FMN2: variants seen among roughly 807,000 people sequenced by gnomAD.
FMN2 encodes the protein formin-2.
Under a neutral mutation model 142.3 loss-of-function variants are expected in FMN2, and 51 were observed. The ratio of observed to expected loss-of-function variants is 0.36; its 90% CI spans 0.29 to 0.45. FMN2 has a LOEUF of 0.45. FMN2 is among the 20% of genes least tolerant of loss of function. The probability of loss-of-function intolerance (pLI) is 1.00; values close to 1 mark genes in which losing one functional copy is unlikely to be tolerated. For synonymous variants in FMN2, 882 were observed against 869.8 expected (o/e 1.01, Z -0.25); for missense variants, 1,936 against 2,122.8 (o/e 0.91, Z 1.73).
chr1:240,376,752 A>G (rs952688873), intron 14 of FMN2, among the ~76,000 whole-genome samples: 3 of 152,196 alleles, frequency 2.0e-5, no homozygotes, highest in Non-Finnish European at 2.9e-5. Context: ...GTGGGATACC[A>G]TAGATGAACT....
In FMN2 at chr1:240,474,829, T is replaced by C. The variant is rs1206656407; in HGVS notation, c.*675T>C. The C allele has an allele frequency of 6.6e-6, 1 of 152,562 alleles. No homozygotes were observed. The highest frequency in any genetic ancestry group is 1.9e-4 in the East Asian group (1 of 5,190). 9.5% of individuals were successfully genotyped at this position (152,562 alleles called of 1,614,324 possible). On this transcript the variant is annotated 3_prime_UTR_variant, in exon 18 of 18. Transcript: ENST00000319653. ...TTTTAATGATCTTCGTTGCAAGTTA[T>C]AGTTGTGGATAAAGGGGAGAATTTA... is the stretch of plus-strand genomic sequence containing the variant.
rs369527022 is a variant in FMN2, at chr1:240,157,974, T to TAA, written c.1783-19928_1783-19927dup. ...CAACATAGTCAGACTCTGTCTCTAC[T>TAA]AAAAAAAAAAAAAAAAAAAAGTCAG... is the stretch of plus-strand genomic sequence containing the variant. On this transcript the variant is annotated intron_variant, in intron 2 of 17. Transcript: ENST00000319653. Among the ~76,000 whole-genome samples the TAA allele has an allele frequency of 3.9e-3, 286 of 73,702 alleles. 2 individuals are homozygous for TAA. Among genetic ancestry groups the TAA allele is most frequent in the African/African-American group, 0.013 (270 of 21,340 alleles). 48.4% of individuals were successfully genotyped at this position (73,702 alleles called of 152,430 possible). A position where few individuals can be genotyped will look rare whatever the true frequency, so the allele number is the denominator to read the frequency against.
At chr1:240,394,690 G>A (rs1011169975) in intron 15 of FMN2, among the ~76,000 whole-genome samples, 3 of 152,120 alleles carry the variant, frequency 2.0e-5, no homozygotes, top group South Asian at 2.1e-4. Context: ...GAACAGGGTC[G>A]GGCGTGGTGG....
At chr1:240,364,187 T>C (rs749850248) in intron 14 of FMN2, among the ~76,000 whole-genome samples, 30 of 152,008 alleles carry the variant, frequency 2.0e-4, no homozygotes, top group African/African-American at 3.1e-4. Flanking sequence ...TGAAATACAA[T>C]AGATGGCAAA....
chr1:240,325,497 A>G (rs994859223), intron 8 of FMN2, among the ~76,000 whole-genome samples: 3 of 152,170 alleles, frequency 2.0e-5, no homozygotes, highest in African/African-American at 7.2e-5. Flanking sequence ...ACACACACAT[A>G]CAGATTTGAT....
intron 2 of FMN2, among the ~76,000 whole-genome samples, chr1:240,148,211 GAGACAGAGAC>G (rs1173157008): frequency 7.8e-6 from 1 of 128,536 alleles, no homozygotes; most frequent in Non-Finnish European, 1.7e-5. Context: ...CAGAGAGAGA[GAGACAGAGAC>G]AGAGAGACAG....
chr1:240,215,771 T>G (rs1269600763), intron 6 of FMN2, among the ~76,000 whole-genome samples: 3 of 152,126 alleles, frequency 2.0e-5, no homozygotes, highest in Non-Finnish European at 2.9e-5. Flanking sequence ...TGCAGTGGCA[T>G]GATCTTGGCT....
Position 240,093,036 on chromosome 1 carries a change from A to G in FMN2, c.927A>G (p.Ala309=). ...LPVSEAPSLP[A]AQPAAKDSPS... is the part of the protein sequence containing the mutation. The stretch of plus-strand genomic sequence containing the variant: ...TCTCCGAGGCGCCCAGTCTCCCGGC[A>G]GCGCAACCCGCGGCCAAAGACTCGC... The change falls in exon 1 of 18, where the codon GCA becomes GCG. Residue 309 remains alanine, a synonymous_variant. Coordinates refer to ENST00000319653, the MANE Select transcript of FMN2 (RefSeq NM_020066.5). 1 of 1,393,238 alleles carries G rather than the reference A, an allele frequency of 7.2e-7. No individual in the cohort carries two copies. The highest frequency in any genetic ancestry group is 9.2e-7 in the Non-Finnish European group (1 of 1,082,254). 86.3% of individuals were successfully genotyped at this position (1,393,238 alleles called of 1,614,324 possible).
At chr1:240,211,767 G>GATCT (rs1440388722) in intron 6 of FMN2, among the ~76,000 whole-genome samples, 4 of 152,172 alleles carry the variant, frequency 2.6e-5, no homozygotes, top group Non-Finnish European at 5.9e-5. Context: ...TAGATCCTTT[G>GATCT]ATCTAACCTG....
intron 2 of FMN2, among the ~76,000 whole-genome samples, chr1:240,151,933 A>AT (rs375933496): frequency 1.6e-4 from 25 of 151,648 alleles, no homozygotes; most frequent in African/African-American, 6.0e-4. Context: ...AGCCAATCTA[A>AT]TTTTTTTTCT....
intron 13 of FMN2, among the ~76,000 whole-genome samples, chr1:240,350,411 T>G (rs1672058507): frequency 6.6e-6 from 1 of 152,216 alleles, no homozygotes; most frequent in Non-Finnish European, 1.5e-5. Context: ...TACAGGGTCT[T>G]AGTACTTCCT....
intron 3 of FMN2, among the ~76,000 whole-genome samples, chr1:240,185,876 G>A (rs138197699): frequency 5.9e-5 from 9 of 152,226 alleles, no homozygotes; most frequent in South Asian, 4.1e-4. Flanking sequence ...AAATGAGAGC[G>A]TTCCGGAGTT....
At chr1:240,369,512 C>G (rs920562701) in intron 14 of FMN2, among the ~76,000 whole-genome samples, 1 of 152,072 alleles carries the variant, frequency 6.6e-6, no homozygotes, top group African/African-American at 2.4e-5. Context: ...TTTCTTCTTT[C>G]TCAAGTACAC....
intron 11 of FMN2, among the ~76,000 whole-genome samples, chr1:240,333,308 A>G (rs1370959946): frequency 2.6e-5 from 4 of 152,154 alleles, no homozygotes; most frequent in African/African-American, 4.8e-5. Flanking sequence ...ATGAGTGTTA[A>G]CTCCTCAAAT....
At chr1:240,396,197 C>T (rs1183168518) in intron 15 of FMN2, among the ~76,000 whole-genome samples, 1 of 151,990 alleles carries the variant, frequency 6.6e-6, no homozygotes, top group South Asian at 2.1e-4. Flanking sequence ...GTAAACATAA[C>T]TTTTATATGC....
At chr1:240,400,253 T>G (rs766375606) in intron 15 of FMN2, among the ~76,000 whole-genome samples, 1 of 152,132 alleles carries the variant, frequency 6.6e-6, no homozygotes, top group Non-Finnish European at 1.5e-5. Flanking sequence ...GAGGTCAGGC[T>G]GACGTGGAAA....
chr1:240,353,928 A>G (rs534225836), intron 13 of FMN2, among the ~76,000 whole-genome samples: 116 of 152,274 alleles, frequency 7.6e-4, no homozygotes, highest in African/African-American at 2.8e-3. Context: ...AATGCTGTTC[A>G]GGGGCAGTTA....
Position 240,473,758 on chromosome 1 carries a change from A to G in FMN2, c.5143-370A>G, listed in dbSNP as rs912835756. Among the ~76,000 whole-genome samples the G allele has an allele frequency of 6.6e-6, 1 of 152,194 alleles. No homozygotes were observed. The highest frequency in any genetic ancestry group is 1.5e-5 in the Non-Finnish European group (1 of 68,032). On this transcript the variant is annotated intron_variant, in intron 17 of 17. Transcript: ENST00000319653. This position sits in a 1 kb window ranked among gnomAD's most constrained non-coding sequence, Gnocchi z 4.3. ...ATTAGTGAACCTCAATCTTGCTATT[A>G]TGAGTACAGAAGATAATTAGAGTAC...
At chr1:240,226,508 G>T (rs188879703) in intron 6 of FMN2, among the ~76,000 whole-genome samples, 1 of 152,106 alleles carries the variant, frequency 6.6e-6, no homozygotes, top group Non-Finnish European at 1.5e-5. Flanking sequence ...GTTGCTAAAA[G>T]ACCTGGCTTT....
Sources: allele counts gnomAD v4.1 joint callset (sites outside exome capture counted in the v4.1 genomes callset), GRCh38; gene constraint gnomAD v4.1.1; non-coding constraint Gnocchi (gnomAD v3.1); transcripts MANE v1.5; gene names NCBI Gene and HGNC (gene_info 2026-07-23, HGNC 2026-07-21).